The following SYNPO2 variants were observed in gnomAD, a reference collection of about 807,000 sequenced individuals.
SYNPO2 encodes the protein synaptopodin 2.
Under a neutral mutation model 85.0 loss-of-function variants are expected in SYNPO2, and 56 were observed. The observed-to-expected ratio is 0.66, with a 90% CI of 0.53 to 0.82. The LOEUF (loss-of-function observed/expected upper bound fraction) is 0.82, where lower values mean the gene tolerates loss of function less well. SYNPO2 is among the 40% of genes least tolerant of loss of function. SYNPO2 has a pLI of 0.00. For synonymous variants in SYNPO2, 602 were observed against 591.1 expected, an observed-to-expected ratio of 1.02 and a Z score of -0.27; for missense variants, 1,575 against 1,534.2, an observed-to-expected ratio of 1.03 and a Z score of -0.44.
chr4:118,918,275 C>T (rs1318327861), intron 1 of SYNPO2, among the ~76,000 whole-genome samples: 3 of 152,104 alleles, frequency 2.0e-5, no homozygotes, highest in Non-Finnish European at 4.4e-5. Context: ...TATCATTTCA[C>T]ATGTACCCAG....
intron 1 of SYNPO2, among the ~76,000 whole-genome samples, chr4:118,900,293 G>A (rs1275281528): frequency 6.6e-6 from 1 of 152,068 alleles, no homozygotes; most frequent in African/African-American, 2.4e-5. Flanking sequence ...ATATATGTCA[G>A]GTGACCAGCA....
At chr4:119,034,904 AT>A (rs1738439700) in intron 4 of SYNPO2, 1 of 985,372 alleles carries the variant, frequency 1.0e-6, no homozygotes, top group South Asian at 4.7e-5. Context: ...CTGTGTTGGT[AT>A]TAGCTTGATT....
chr4:118,922,890 G>C (rs1733586052), intron 1 of SYNPO2, among the ~76,000 whole-genome samples: 1 of 152,076 alleles, frequency 6.6e-6, no homozygotes, highest in Non-Finnish European at 1.5e-5. Context: ...TTTTATTAGA[G>C]TATCATCCAT....
intron 2 of SYNPO2, among the ~76,000 whole-genome samples, chr4:119,025,884 A>G (rs545194017): frequency 6.6e-6 from 1 of 152,312 alleles, no homozygotes; most frequent in East Asian, 1.9e-4. Context: ...TCAAAATCAA[A>G]GAGCTGTGGT....
intron 1 of SYNPO2, among the ~76,000 whole-genome samples, chr4:118,890,234 A>G (rs1322219886): frequency 6.6e-6 from 1 of 150,686 alleles, no homozygotes; most frequent in Non-Finnish European, 1.5e-5. Context: ...GCTTCCAGGC[A>G]TCATATGTAA....
intron 1 of SYNPO2, among the ~76,000 whole-genome samples, chr4:118,982,937 G>A (rs1736085945): frequency 1.3e-5 from 2 of 150,622 alleles, no homozygotes; most frequent in South Asian, 4.2e-4. Flanking sequence ...AGATCTGGAA[G>A]CTAATGGAAG....
intron 1 of SYNPO2, among the ~76,000 whole-genome samples, chr4:118,910,121 A>G (rs778858475): frequency 5.3e-5 from 8 of 152,154 alleles, no homozygotes; most frequent in Non-Finnish European, 1.2e-4. Context: ...GTTCAATCTC[A>G]GATTTCTGTC....
At chr4:118,976,874 A>G (rs1300616226) in intron 1 of SYNPO2, among the ~76,000 whole-genome samples, 2 of 152,156 alleles carry the variant, frequency 1.3e-5, no homozygotes, top group African/African-American at 2.4e-5. Flanking sequence ...CGATTGGTGC[A>G]CTCACAAACC....
chr4:118,991,665 G>A (rs1736421041), intron 1 of SYNPO2, among the ~76,000 whole-genome samples: 1 of 152,162 alleles, frequency 6.6e-6, no homozygotes, highest in Non-Finnish European at 1.5e-5. Context: ...CTTAGGCACT[G>A]ACTTTTGCAG....
upstream of SYNPO2, among the ~76,000 whole-genome samples, chr4:118,886,579 T>C (rs1387840492): frequency 6.6e-6 from 1 of 152,242 alleles, no homozygotes; most frequent in Non-Finnish European, 1.5e-5. Flanking sequence ...CAAAGGACAT[T>C]AACACATTCT....
chr4:119,042,031 G>A (rs1215754576), intron 4 of SYNPO2: 1 of 152,162 alleles, frequency 6.6e-6, no homozygotes, highest in Non-Finnish European at 1.5e-5. Flanking sequence ...TATCCAGTCA[G>A]GGACAGCCAG....
At position 119,031,482 on chromosome 4, in the gene SYNPO2, C is replaced by T; in HGVS notation, c.2707C>T (p.Pro903Ser). 1 of 1,614,158 alleles carries T rather than the reference C, an allele frequency of 6.2e-7. No homozygotes were observed. Among genetic ancestry groups the T allele is most frequent in the African/African-American group, 1.3e-5 (1 of 75,026 alleles). Reference sequence around the variant, plus strand: ...GGCCCACGCTGCTCGAGCTCAGTCTCCCACTCCATCTCTCCCGGCCAGTTG... The same window carrying T: ...GGCCCACGCTGCTCGAGCTCAGTCTTCCACTCCATCTCTCCCGGCCAGTTG... The part of the protein sequence containing the change: ...VQAHAARAQS[P>S]TPSLPASWKY... Residue 903 changes from proline (P) to serine (S), a missense_variant, in exon 4 of 5, where the codon CCC becomes TCC. By Grantham distance (74) the Pro-to-Ser change is moderately conservative. This residue lies in a region of SYNPO2 where 1,508 missense variants were observed against 1,446.8 expected (regional missense o/e 1.04). Coordinates refer to ENST00000307142, the MANE Select transcript of SYNPO2 (RefSeq NM_133477.3).
At chr4:118,881,068 C>T (rs1238406210) in intron 1 of SYNPO2, among the ~76,000 whole-genome samples, 1 of 151,934 alleles carries the variant, frequency 6.6e-6, no homozygotes, top group Non-Finnish European at 1.5e-5. Flanking sequence ...TTTGGGAGGC[C>T]TAGGTGGGCG....
intron 1 of SYNPO2, among the ~76,000 whole-genome samples, chr4:118,878,977 G>A (rs1266091251): frequency 6.6e-6 from 1 of 152,132 alleles, no homozygotes; most frequent in Non-Finnish European, 1.5e-5. Context: ...TCACTGCGAA[G>A]GTCTGTGGCT....
intron 1 of SYNPO2, among the ~76,000 whole-genome samples, chr4:118,994,778 T>G (rs1016315083): frequency 6.6e-6 from 1 of 152,246 alleles, no homozygotes; most frequent in African/African-American, 2.4e-5. Context: ...GTAGGTGTTA[T>G]AGAAAAAGAT....
chr4:118,911,502 C>G (rs1212817681), intron 1 of SYNPO2, among the ~76,000 whole-genome samples: 1 of 152,176 alleles, frequency 6.6e-6, no homozygotes, highest in Non-Finnish European at 1.5e-5. Context: ...CCAGAATGTT[C>G]ATCTCTGATG....
At chr4:119,054,251 T>A (rs1217196608) in intron 4 of SYNPO2, among the ~76,000 whole-genome samples, 1 of 152,190 alleles carries the variant, frequency 6.6e-6, no homozygotes, top group Admixed American at 6.5e-5. Context: ...GTTACAGTGC[T>A]CTCTTAGTTC....
intron 1 of SYNPO2, among the ~76,000 whole-genome samples, chr4:118,939,036 G>A (rs1008968368): frequency 6.6e-6 from 1 of 152,108 alleles, no homozygotes; most frequent in Non-Finnish European, 1.5e-5. Flanking sequence ...GATTATGATG[G>A]TGTACAGATT....
chr4:118,946,812 A>G (rs1037577076), intron 1 of SYNPO2, among the ~76,000 whole-genome samples: 5 of 152,186 alleles, frequency 3.3e-5, no homozygotes, highest in Admixed American at 3.3e-4. Flanking sequence ...ACCTTATACA[A>G]AGTGCTTGAG....
Sources: allele counts gnomAD v4.1 joint callset (sites outside exome capture counted in the v4.1 genomes callset), GRCh38; gene constraint gnomAD v4.1.1; regional missense constraint gnomAD v4.1.1; transcripts MANE v1.5; gene names NCBI Gene and HGNC (gene_info 2026-07-23, HGNC 2026-07-21).